Variants in PGAP4 observed in about 807,000 individuals in gnomAD.
PGAP4 encodes post-GPI attachment to proteins GalNAc transferase 4, also known as GPI-N-acetylgalactosamine transferase PGAP4.
Under a neutral mutation model 28.2 loss-of-function variants are expected in PGAP4, and 12 were observed. The ratio of observed to expected loss-of-function variants is 0.42; its 90% CI spans 0.27 to 0.69. PGAP4 has a LOEUF of 0.69. Ranked by LOEUF, PGAP4 falls within the 30% of genes least tolerant of loss-of-function variation. The pLI, the probability that PGAP4 is intolerant of heterozygous loss-of-function variation, is 0.22. For missense variants in PGAP4, 425 were observed against 513.5 expected, an observed-to-expected ratio of 0.83 and a Z score of 1.67; for synonymous variants, 205 against 211.8, an observed-to-expected ratio of 0.97 and a Z score of 0.28.
Position 101,475,843 on chromosome 9 carries a change from A to C in PGAP4, c.*38T>G. ...TAAAGAGATAAATATTTGAATCTTC[A>C]AGAAGTGGCCAACTTCAGAAAGGCA... On this transcript the variant is annotated 3_prime_UTR_variant, in exon 2 of 2. Transcript: ENST00000374848. 1 of 1,575,966 alleles carries C rather than the reference A, an allele frequency of 6.3e-7. No homozygotes were observed. Among genetic ancestry groups the C allele is most frequent in the East Asian group, 2.2e-5 (1 of 44,654 alleles).
upstream of PGAP4, among the ~76,000 whole-genome samples, chr9:101,487,777 T>G (rs1009086662): frequency 3.3e-5 from 5 of 152,204 alleles, no homozygotes; most frequent in African/African-American, 1.2e-4. Flanking sequence ...ATTTCATGGT[T>G]AAAAATGGAA....
chr9:101,527,163 C>T (rs1203723402), intron 2 of PGAP4, among the ~76,000 whole-genome samples: 1 of 152,206 alleles, frequency 6.6e-6, no homozygotes, highest in Non-Finnish European at 1.5e-5. Flanking sequence ...ATGGCAGCCC[C>T]ACCTGGAAGG....
intron 2 of PGAP4, among the ~76,000 whole-genome samples, chr9:101,502,521 G>A (rs1826812513): frequency 6.6e-6 from 1 of 151,976 alleles, no homozygotes; most frequent in South Asian, 2.1e-4. Flanking sequence ...GACAGACATT[G>A]AGATTTATAC....
chr9:101,490,277 C>A (rs1421777298), upstream of PGAP4, among the ~76,000 whole-genome samples: 2 of 152,338 alleles, frequency 1.3e-5, no homozygotes, highest in African/African-American at 4.8e-5. Context: ...GCAACCTTCA[C>A]TTCCCAAGTT....
rs201391182 is a variant in PGAP4, at chr9:101,499,744, C to A, written c.-164-10544G>T. ...TGAGAACTCTCTCTTCATGGCCTTC[C>A]GTGGCTTTATTTGTTGGAATTTTCT... On this transcript the variant is annotated intron_variant, in intron 2 of 3. Coordinates refer to the PGAP4 transcript ENST00000374851. Among the ~76,000 whole-genome samples, 15 of 152,076 alleles carry A rather than the reference C, an allele frequency of 9.9e-5. No homozygotes were observed. The East Asian group carries it at 2.9e-3, about 29-fold the overall frequency.
At chr9:101,528,518 AC>A (rs1419554013) in intron 2 of PGAP4, among the ~76,000 whole-genome samples, 1 of 152,022 alleles carries the variant, frequency 6.6e-6, no homozygotes, top group Non-Finnish European at 1.5e-5. Context: ...TACATGCTGT[AC>A]CCCCATCCCC....
At chr9:101,488,346 G>A (rs1826653330), upstream of PGAP4, among the ~76,000 whole-genome samples, 2 of 152,112 alleles carry the variant, frequency 1.3e-5, no homozygotes, top group South Asian at 4.1e-4. Context: ...AGAAAAAATG[G>A]GAGTCTGATA....
chr9:101,513,477 A>T, intron 2 of PGAP4, among the ~76,000 whole-genome samples: 1 of 152,192 alleles, frequency 6.6e-6, no homozygotes, highest in East Asian at 1.9e-4. Context: ...CACACACTTG[A>T]ATTTTTAACA....
intron 2 of PGAP4, among the ~76,000 whole-genome samples, chr9:101,523,358 G>T (rs907631462): frequency 2.6e-5 from 4 of 151,768 alleles, no homozygotes; most frequent in African/African-American, 9.7e-5. Context: ...CTTAGTTTTG[G>T]TCATTTAACA....
At chr9:101,492,242 G>A (rs1375061332) in intron 2 of PGAP4, among the ~76,000 whole-genome samples, 1 of 151,682 alleles carries the variant, frequency 6.6e-6, no homozygotes, top group Non-Finnish European at 1.5e-5. Flanking sequence ...TGCCCAGGCT[G>A]GAGTGCAGTG....
At chr9:101,516,178 T>G (rs536294464) in intron 2 of PGAP4, among the ~76,000 whole-genome samples, 1 of 152,296 alleles carries the variant, frequency 6.6e-6, no homozygotes, top group East Asian at 1.9e-4. Context: ...TAATCTATTT[T>G]ACTCCTTATT....
At chr9:101,532,903 C>A (rs1827116429) in exon 1 of PGAP4, 1 of 150,750 alleles carries the variant, frequency 6.6e-6, no homozygotes, top group Non-Finnish European at 1.5e-5. Flanking sequence ...TCCCAAGATG[C>A]CTAAATTCTA....
chr9:101,508,020 T>TA (rs1826862669), intron 2 of PGAP4, among the ~76,000 whole-genome samples: 1 of 152,128 alleles, frequency 6.6e-6, no homozygotes, highest in Non-Finnish European at 1.5e-5. Flanking sequence ...TTGTTACCCT[T>TA]ATTTGATGAA....
chr9:101,520,345 T>C (rs1826978737), intron 2 of PGAP4, among the ~76,000 whole-genome samples: 1 of 152,222 alleles, frequency 6.6e-6, no homozygotes, highest in Non-Finnish European at 1.5e-5. Flanking sequence ...CACATGAGCA[T>C]AGGATGTGTT....
At chr9:101,518,382 G>A (rs1259011085) in intron 2 of PGAP4, among the ~76,000 whole-genome samples, 1 of 151,840 alleles carries the variant, frequency 6.6e-6, no homozygotes. Flanking sequence ...CCCATCACCC[G>A]AGCAGTATAC....
intron 1 of PGAP4, among the ~76,000 whole-genome samples, chr9:101,532,481 T>C (rs948146034): frequency 2.0e-5 from 3 of 152,132 alleles, no homozygotes; most frequent in African/African-American, 4.8e-5. Context: ...GCCAATACTG[T>C]CTAAAATAAA....
intron 2 of PGAP4, among the ~76,000 whole-genome samples, chr9:101,495,123 A>G (rs1325285203): frequency 7.9e-6 from 1 of 126,020 alleles, no homozygotes. Flanking sequence ...GTGCCTAATT[A>G]TTTACTATTT....
At chr9:101,510,795 C>T (rs1219723479) in intron 2 of PGAP4, among the ~76,000 whole-genome samples, 3 of 152,216 alleles carry the variant, frequency 2.0e-5, no homozygotes, top group Non-Finnish European at 4.4e-5. Context: ...AACGGGCGGG[C>T]CACACGTGGA....
intron 2 of PGAP4, among the ~76,000 whole-genome samples, chr9:101,503,909 G>A (rs1443526350): frequency 6.6e-6 from 1 of 152,004 alleles, no homozygotes; most frequent in East Asian, 1.9e-4. Flanking sequence ...AAAATTTATA[G>A]GAGGCCATTG....
Sources: allele counts gnomAD v4.1 joint callset (sites outside exome capture counted in the v4.1 genomes callset), GRCh38; gene constraint gnomAD v4.1.1; transcripts MANE v1.5; gene names NCBI Gene and HGNC (gene_info 2026-07-23, HGNC 2026-07-21).